Variants in KDM4C observed in about 807,000 individuals in gnomAD.
KDM4C encodes the protein lysine demethylase 4C.
Under a neutral mutation model 129.3 loss-of-function variants are expected in KDM4C, and 81 were observed. The ratio of observed to expected loss-of-function variants is 0.63; its 90% confidence interval spans 0.52 to 0.75. The LOEUF (loss-of-function observed/expected upper bound fraction) is 0.75, where lower values mean the gene tolerates loss of function less well. KDM4C is among the 30% of genes least tolerant of loss of function. The pLI is 0.00. For missense variants in KDM4C, 1,457 were observed against 1,304.0 expected, an observed-to-expected ratio of 1.12 and a Z score of -1.81; for synonymous variants, 573 against 456.1, an observed-to-expected ratio of 1.26 and a Z score of -3.26.
chr9:7,136,400 C>T (rs1841210235), intron 19 of KDM4C, among the ~76,000 whole-genome samples: 1 of 152,178 alleles, frequency 6.6e-6, no homozygotes, highest in Admixed American at 6.5e-5. Context: ...TTATAGGAAA[C>T]TGCCAAACTG....
intron 8 of KDM4C, among the ~76,000 whole-genome samples, chr9:6,929,856 T>C (rs1278147081): frequency 6.6e-6 from 1 of 152,212 alleles, no homozygotes; most frequent in African/African-American, 2.4e-5. Flanking sequence ...CTCTAGTTTT[T>C]GAGGATCAAA....
At chr9:6,767,295 C>A (rs1001492902) in intron 1 of KDM4C, among the ~76,000 whole-genome samples, 1 of 148,184 alleles carries the variant, frequency 6.7e-6, no homozygotes, top group African/African-American at 2.5e-5. Flanking sequence ...CCCCTCACCT[C>A]ACGCCCGGCT....
intron 3 of KDM4C, among the ~76,000 whole-genome samples, chr9:6,806,859 GCTCTCC>G (rs976008275): frequency 3.4e-5 from 5 of 146,670 alleles, no homozygotes; most frequent in African/African-American, 5.3e-5. Flanking sequence ...ACACACTGTT[GCTCTCC>G]CTCTCCGTCT....
chr9:6,821,530 C>A (rs544009285), intron 4 of KDM4C, among the ~76,000 whole-genome samples: 13 of 152,156 alleles, frequency 8.5e-5, no homozygotes, highest in African/African-American at 2.9e-4. Flanking sequence ...TTTTGAGAAG[C>A]GCCTGTTCAT....
At chr9:7,172,030 T>A (rs1186805989) in intron 21 of KDM4C, among the ~76,000 whole-genome samples, 1 of 152,182 alleles carries the variant, frequency 6.6e-6, no homozygotes, top group African/African-American at 2.4e-5. Flanking sequence ...CTCCCCTGGG[T>A]TGGTACATAG....
At chr9:7,095,485 A>G (rs201222689) in intron 17 of KDM4C, among the ~76,000 whole-genome samples, 5 of 152,142 alleles carry the variant, frequency 3.3e-5, no homozygotes, top group Non-Finnish European at 1.5e-5. Flanking sequence ...GCCAATAGCA[A>G]ATCATACCTG....
intron 5 of KDM4C, among the ~76,000 whole-genome samples, chr9:6,872,004 G>A (rs1842881104): frequency 6.6e-6 from 1 of 152,210 alleles, no homozygotes; most frequent in Non-Finnish European, 1.5e-5. Context: ...CTTCAAAGTG[G>A]TGGAATCTGG....
At chr9:7,072,418 A>G (rs997179333) in intron 17 of KDM4C, among the ~76,000 whole-genome samples, 7 of 152,232 alleles carry the variant, frequency 4.6e-5, no homozygotes, top group African/African-American at 1.7e-4. Context: ...TGGTACCTTC[A>G]TACAATATAA....
At chr9:7,014,577 C>G (rs1391555420) in intron 14 of KDM4C, among the ~76,000 whole-genome samples, 2 of 152,082 alleles carry the variant, frequency 1.3e-5, no homozygotes, top group Non-Finnish European at 2.9e-5. Flanking sequence ...ATTTATTGGT[C>G]TGCCATGTAA....
Position 7,015,525 on chromosome 9 carries a change from G to A in KDM4C, c.2183-328G>A, listed in dbSNP as rs939168315. ...TAATTTAAAAATATTAGGTTAAAAT[G>A]TATTTATTATATTATTTTTGACATT... On this transcript the variant is annotated intron_variant, in intron 14 of 21. Transcript: ENST00000381309. Among the ~76,000 whole-genome samples the A allele has an allele frequency of 2.0e-5, 3 of 152,114 alleles. No homozygotes were observed. In the South Asian group the frequency reaches 6.2e-4, roughly 32 times the overall value.
intron 8 of KDM4C, among the ~76,000 whole-genome samples, chr9:6,908,177 C>T (rs1466401128): frequency 6.6e-6 from 1 of 152,098 alleles, no homozygotes; most frequent in Non-Finnish European, 1.5e-5. Flanking sequence ...ATTCCCTTTA[C>T]ATTAGTTGTT....
At chr9:6,787,884 G>T in intron 1 of KDM4C, among the ~76,000 whole-genome samples, 1 of 152,324 alleles carries the variant, frequency 6.6e-6, no homozygotes, top group Non-Finnish European at 1.5e-5. Context: ...ATAACTAAGA[G>T]GGGGAGGAAC....
chr9:6,939,379 G>A (rs1020659796), intron 8 of KDM4C, among the ~76,000 whole-genome samples: 2 of 152,078 alleles, frequency 1.3e-5, no homozygotes, highest in African/African-American at 4.8e-5. Context: ...AGGAAAACAA[G>A]CTCAGGGCCG....
At chr9:6,986,196 A>C (rs1051783001) in intron 10 of KDM4C, 148 bp from the exon 11 acceptor site, 2 of 598,032 alleles carry the variant, frequency 3.3e-6, no homozygotes, top group Non-Finnish European at 5.9e-6. Flanking sequence ...GGTACAAATG[A>C]GGTTTGTTTT....
intron 4 of KDM4C, among the ~76,000 whole-genome samples, chr9:6,845,149 G>C (rs1188377870): frequency 6.6e-6 from 1 of 152,214 alleles, no homozygotes; most frequent in Admixed American, 6.5e-5. Flanking sequence ...TGCAGAGACT[G>C]AGTGCAGTTA....
Position 6,980,818 on chromosome 9 carries a change from C to T in KDM4C, c.922-107C>T. On this transcript the variant is annotated intron_variant, in intron 8 of 21. Coordinates refer to ENST00000381309, the MANE Select transcript of KDM4C (RefSeq NM_015061.6). The stretch of plus-strand genomic sequence containing the variant: ...TTTGATAATGTAATGCATTATCCTC[C>T]ATTATGTAGTGACTAAGTATTCATG... The T allele has an allele frequency of 4.4e-6, 4 of 902,668 alleles. No individual in the cohort carries two copies. The South Asian group carries it at 6.5e-5, about 15-fold the overall frequency. The allele number at this position is 902,668 out of a possible 1,614,324, so 55.9% of individuals were successfully genotyped here.
rs2809096 is a variant in KDM4C at position 6,797,718 on chromosome 9, A to G, written c.144+4586A>G. Among the ~76,000 whole-genome samples, 614 of 152,340 alleles carry G rather than the reference A, an allele frequency of 4.0e-3. 6 individuals carry two copies. Among genetic ancestry groups the G allele is most frequent in the African/African-American group, 0.014 (588 of 41,572 alleles). On this transcript the variant is annotated intron_variant, in intron 2 of 21. Coordinates refer to ENST00000381309, the MANE Select transcript of KDM4C (RefSeq NM_015061.6). ...AATAGCTATCTTTGCTCACAAGGTG[A>G]AGAAAGATTATAAGAAGCACCACTC...
At chr9:7,104,126 A>T (rs751070382) in intron 18 of KDM4C, 60 of 430,732 alleles carry the variant, frequency 1.4e-4, no homozygotes, top group Non-Finnish European at 1.2e-4. Context: ...ATGCATGCAG[A>T]AAACTCTCCA....
chr9:6,951,718 A>C (rs932474499), intron 8 of KDM4C, among the ~76,000 whole-genome samples: 2 of 152,220 alleles, frequency 1.3e-5, no homozygotes, highest in South Asian at 2.1e-4. Context: ...TTTGACTGTC[A>C]TTGTCCTATT....
Sources: allele counts gnomAD v4.1 joint callset (sites outside exome capture counted in the v4.1 genomes callset), GRCh38; gene constraint gnomAD v4.1.1; transcripts MANE v1.5; gene names NCBI Gene and HGNC (gene_info 2026-07-23, HGNC 2026-07-21).